C2CD3: variants seen among roughly 807,000 people sequenced by gnomAD.
The protein encoded by C2CD3 is C2 domain containing 3 centriole elongation regulator, also known as C2 domain-containing protein 3.
In C2CD3, 148 loss-of-function variants were observed where a neutral mutation model predicts 234.0. The ratio of observed to expected loss-of-function variants is 0.63; its 90% CI spans 0.55 to 0.72. The LOEUF is 0.72. Among genes scored for constraint, C2CD3 ranks in the 30% least tolerant of loss-of-function variants. The pLI is 0.00. For synonymous variants in C2CD3, 1,000 were observed against 1,035.4 expected (o/e 0.97, Z 0.66); for missense variants, 2,577 against 2,811.5 (o/e 0.92, Z 1.89).
intron 24 of C2CD3, among the ~76,000 whole-genome samples, chr11:74,062,802 C>T (rs1954308845): frequency 6.7e-6 from 1 of 148,388 alleles, no homozygotes; most frequent in South Asian, 2.1e-4. Flanking sequence ...GATAGAGACA[C>T]AAAAAACCCT....
intron 22 of C2CD3, among the ~76,000 whole-genome samples, chr11:74,082,650 G>A (rs1955440319): frequency 6.6e-6 from 1 of 152,212 alleles, no homozygotes. Flanking sequence ...TGATCGTGGT[G>A]GATAAGCTTT....
chr11:74,124,329 T>G (rs1281437173), intron 7 of C2CD3, among the ~76,000 whole-genome samples: 1 of 152,168 alleles, frequency 6.6e-6, no homozygotes, highest in African/African-American at 2.4e-5. Flanking sequence ...ACAGTGTTCT[T>G]ATATTATTTT....
At chr11:74,133,964 C>T (rs61901247) in intron 5 of C2CD3, among the ~76,000 whole-genome samples, 43,018 of 151,940 alleles carry the variant, frequency 0.28, 7,093 homozygotes, top group African/African-American at 0.46. Flanking sequence ...CCATGACTCA[C>T]ACAGCAGGTT....
At position 74,042,097 on chromosome 11, in the gene C2CD3, T is replaced by C. The variant is rs1485572093; in HGVS notation, c.5617A>G (p.Thr1873Ala). ...GAGGTTTGGGAGGACAAAGGTGATGTGGTCAGTTTGTCATCACATGGCAAG... is the reference window on the plus strand; with the variant it reads ...GAGGTTTGGGAGGACAAAGGTGATGCGGTCAGTTTGTCATCACATGGCAAG... ...APLPCDDKLTTSPLSSQTSIL... is the reference protein window; with the variant it reads ...APLPCDDKLTASPLSSQTSIL... Residue 1873 changes from threonine (T) to alanine (A), a missense_variant, in exon 29 of 33, where the codon ACA (threonine) becomes GCA (alanine). By Grantham distance (58) the Thr-to-Ala change is moderately conservative. Coordinates refer to ENST00000334126, the MANE Select transcript of C2CD3 (RefSeq NM_001286577.2). 1.9e-6 allele frequency: 3 copies of C among 1,613,790 alleles called. No individual in the cohort carries two copies. Among genetic ancestry groups the C allele is most frequent in the African/African-American group, 1.3e-5 (1 of 74,824 alleles).
At chr11:74,115,681 A>G (rs1420270984) in intron 9 of C2CD3, among the ~76,000 whole-genome samples, 4 of 152,218 alleles carry the variant, frequency 2.6e-5, no homozygotes, top group Non-Finnish European at 4.4e-5. Flanking sequence ...AGATTAAGCA[A>G]AAAGAACAAA....
intron 23 of C2CD3, among the ~76,000 whole-genome samples, chr11:74,076,052 C>T (rs1215629510): frequency 1.3e-5 from 2 of 152,134 alleles, no homozygotes; most frequent in Non-Finnish European, 2.9e-5. Flanking sequence ...ATTCAGTGTC[C>T]TAAACCTACT....
rs758634465 is a variant in C2CD3, at chr11:74,085,799, G to A, written c.3729C>T (p.Pro1243=). The A allele has an allele frequency of 2.5e-6, 4 of 1,614,126 alleles. No individual in the cohort carries two copies. In the East Asian group the frequency reaches 6.7e-5, roughly 27 times the overall value. ...ASVTTHLSFL[P]QGEQRRTHPV... ...GGTGGGTTCGGCGCTGTTCTCCCTGGGGCAGGAAGGAGAGATGAGTGGTGA... is the reference window on the plus strand; with the variant it reads ...GGTGGGTTCGGCGCTGTTCTCCCTGAGGCAGGAAGGAGAGATGAGTGGTGA... Residue 1243 remains proline (P), a synonymous_variant, in exon 21 of 33, where the codon CCC becomes CCT. Transcript: ENST00000334126.
intron 6 of C2CD3, 102 bp downstream of exon 6, chr11:74,133,323 A>G: frequency 9.7e-7 from 1 of 1,030,788 alleles, no homozygotes; most frequent in Non-Finnish European, 1.5e-6. Context: ...GAATTATTTG[A>G]TAAGCATTTC....
intron 32 of C2CD3, among the ~76,000 whole-genome samples, chr11:74,021,548 G>T (rs1054684215): frequency 1.3e-5 from 2 of 152,218 alleles, no homozygotes; most frequent in Non-Finnish European, 2.9e-5. Flanking sequence ...CAGAGCGGGA[G>T]CAGCCAGTGA....
chr11:74,163,610 C>T (rs1192015302), intron 2 of C2CD3, among the ~76,000 whole-genome samples: 1 of 152,188 alleles, frequency 6.6e-6, no homozygotes, highest in African/African-American at 2.4e-5. Context: ...TTTTCTCTCT[C>T]CTGCTGCCAT....
At chr11:74,065,210 G>C (rs1954456381) in intron 24 of C2CD3, among the ~76,000 whole-genome samples, 1 of 151,942 alleles carries the variant, frequency 6.6e-6, no homozygotes, top group Non-Finnish European at 1.5e-5. Flanking sequence ...CTTAAACAAA[G>C]TTACAAGAAA....
rs1187247658 is a variant in C2CD3, at chr11:74,170,880, G to C, written c.-88C>G. ...CGCCATCCCTCCCCACGGCGCCTGCGTTCCCCGGCAACCGGCGCCGCTGGG... is the reference window on the plus strand; with the variant it reads ...CGCCATCCCTCCCCACGGCGCCTGCCTTCCCCGGCAACCGGCGCCGCTGGG... On this transcript the variant is annotated 5_prime_UTR_variant, in exon 1 of 33. Transcript: ENST00000334126. 1.3e-6 allele frequency: 2 copies of C among 1,588,514 alleles called. No homozygotes were observed. Among genetic ancestry groups the C allele is most frequent in the African/African-American group, 1.4e-5 (1 of 73,966 alleles).
At chr11:74,090,650 C>T (rs1354190550) in intron 20 of C2CD3, among the ~76,000 whole-genome samples, 163 bp downstream of exon 20, 1 of 152,098 alleles carries the variant, frequency 6.6e-6, no homozygotes, top group Non-Finnish European at 1.5e-5. Flanking sequence ...GCAACGTTTG[C>T]AAGTGATTTA....
intron 2 of C2CD3, among the ~76,000 whole-genome samples, chr11:74,166,576 A>C (rs1856828997): frequency 6.6e-6 from 1 of 152,218 alleles, no homozygotes; most frequent in African/African-American, 2.4e-5. Flanking sequence ...CTGGCTTCTT[A>C]ATAACATAAG....
Position 74,033,654 on chromosome 11 carries a change from G to T in C2CD3, c.6506C>A (p.Ser2169Ter). 6.5e-7 allele frequency: 1 copy of T among 1,536,222 alleles called. No individual in the cohort carries two copies. Among genetic ancestry groups the T allele is most frequent in the Non-Finnish European group, 8.7e-7 (1 of 1,146,922 alleles). ...GCATGGGATGGGCTGAGGGTTGGCT[G>T]AGGCAGACTCGCCACCAACCCTGGC... ...SKARVGGESASANPQPIPCPT... is the reference protein window; with the variant it reads ...SKARVGGESA Residue 2169 changes from serine (S) to a stop codon, truncating the protein, a stop_gained, in exon 31 of 33, where the codon TCA (serine) becomes TAA (stop). Coordinates refer to ENST00000334126, the MANE Select transcript of C2CD3 (RefSeq NM_001286577.2). LOFTEE classifies it high-confidence loss of function.
In C2CD3 at chr11:74,127,998, G is replaced by A. The variant is rs1323712041; in HGVS notation, c.1217+4846C>T. Among the ~76,000 whole-genome samples the A allele has an allele frequency of 3.9e-5, 6 of 152,118 alleles. 1 individual carries two copies. Among genetic ancestry groups the A allele is most frequent in the Admixed American group, 3.9e-4 (6 of 15,266 alleles). ...CTGCCTCAGCCTCCTTAGTAGCTAG[G>A]ACTACAGGCGCCTGCTACCACACCT... is the stretch of plus-strand genomic sequence containing the variant. On this transcript the variant is annotated intron_variant, in intron 7 of 32. Coordinates refer to ENST00000334126, the MANE Select transcript of C2CD3 (RefSeq NM_001286577.2).
rs758263303 is a variant in C2CD3 at position 74,078,728 on chromosome 11, AAAATAAAG to A, written c.4001-19_4001-12del. The A allele has an allele frequency of 6.4e-7, 1 of 1,568,290 alleles. No homozygotes were observed. The highest frequency in any genetic ancestry group is 8.6e-7 in the Non-Finnish European group (1 of 1,162,280). ...ACCATCCTGTGATCCCTTACGGGAG[AAAATAAAG>A]ATTCTCAATTATAGTCTTAAAAGTA... is the stretch of plus-strand genomic sequence containing the variant. On this transcript the variant is annotated splice_polypyrimidine_tract_variant and intron_variant, in intron 22 of 32. Transcript: ENST00000334126.
chr11:74,095,047 CAAAAT>C (rs1336222808), intron 17 of C2CD3, among the ~76,000 whole-genome samples, 176 bp downstream of exon 17: 1 of 150,674 alleles, frequency 6.6e-6, no homozygotes, highest in African/African-American at 2.4e-5. Context: ...GAAATTGTAT[CAAAAT>C]AAAAAGCTAC....
intron 3 of C2CD3, among the ~76,000 whole-genome samples, chr11:74,148,325 T>G (rs1345037412): frequency 6.6e-6 from 1 of 152,002 alleles, no homozygotes; most frequent in Non-Finnish European, 1.5e-5. Flanking sequence ...AAAAAAGCTA[T>G]AGTTAAGTAT....
Sources: gnomAD v4.1 joint callset for allele counts (sites outside exome capture counted in the v4.1 genomes callset) on GRCh38, gnomAD v4.1.1 for gene constraint, MANE v1.5 for transcripts, NCBI Gene and HGNC (gene_info 2026-07-23, HGNC 2026-07-21) for gene names.